SOX5: variants seen among roughly 807,000 people sequenced by gnomAD.
SOX5 encodes transcription factor SOX-5.
In SOX5, 9 loss-of-function variants were observed where a neutral mutation model predicts 92.0. The ratio of observed to expected loss-of-function variants is 0.10; its 90% CI spans 0.06 to 0.17. The LOEUF (loss-of-function observed/expected upper bound fraction) is 0.17. SOX5 is among the 10% of genes least tolerant of loss of function. The pLI is 1.00. For missense variants in SOX5, 642 were observed against 944.5 expected, an observed-to-expected ratio of 0.68 and a Z score of 4.20; for synonymous variants, 344 against 336.3, an observed-to-expected ratio of 1.02 and a Z score of -0.25.
chr12:24,325,154 T>TC (rs1950559099), intron 2 of SOX5, among the ~76,000 whole-genome samples: 3 of 151,358 alleles, frequency 2.0e-5, no homozygotes, highest in African/African-American at 7.3e-5. Flanking sequence ...TAAAAATAAG[T>TC]TAAAAAAAAA....
intron 4 of SOX5, among the ~76,000 whole-genome samples, chr12:23,747,320 T>A (rs2094020325): frequency 6.6e-6 from 1 of 152,160 alleles, no homozygotes; most frequent in Non-Finnish European, 1.5e-5. Context: ...TCTCTATTTC[T>A]ACTTGTTTCC....
At chr12:23,847,658 C>T (rs1160141718) in intron 2 of SOX5, among the ~76,000 whole-genome samples, 1 of 150,866 alleles carries the variant, frequency 6.6e-6, no homozygotes, top group African/African-American at 2.4e-5. Context: ...GTGGCTGAGG[C>T]ATGTGGGGAA....
chr12:23,899,784 C>T (rs1476321441), intron 1 of SOX5, among the ~76,000 whole-genome samples: 1 of 152,184 alleles, frequency 6.6e-6, no homozygotes, highest in Non-Finnish European at 1.5e-5. Context: ...TGATCAGCTA[C>T]CATGTGCAAG....
chr12:23,983,191 T>G (rs1949755359), intron 4 of SOX5, among the ~76,000 whole-genome samples: 1 of 150,316 alleles, frequency 6.7e-6, no homozygotes, highest in African/African-American at 2.4e-5. Flanking sequence ...GCAGATGCCA[T>G]CCTACCCACT....
chr12:23,622,749 T>C (rs1412286780), intron 8 of SOX5, among the ~76,000 whole-genome samples: 1 of 152,114 alleles, frequency 6.6e-6, no homozygotes, highest in Non-Finnish European at 1.5e-5. Context: ...TGCTATACCA[T>C]CATTAATTTA....
intron 1 of SOX5, among the ~76,000 whole-genome samples, chr12:24,466,832 TC>T (rs1318966809): frequency 2.6e-5 from 4 of 152,116 alleles, no homozygotes; most frequent in African/African-American, 9.7e-5. Flanking sequence ...TTTTTAAAGC[TC>T]CCCAGGTAAT....
intron 4 of SOX5, among the ~76,000 whole-genome samples, chr12:24,192,801 T>G (rs932459608): frequency 2.0e-5 from 3 of 152,182 alleles, no homozygotes; most frequent in Non-Finnish European, 4.4e-5. Flanking sequence ...CAACTGTCAT[T>G]CATCTTCCCT....
chr12:24,019,594 G>T (rs113725182), intron 4 of SOX5, among the ~76,000 whole-genome samples: 114 of 152,292 alleles, frequency 7.5e-4, no homozygotes, highest in Non-Finnish European at 1.4e-3. Flanking sequence ...TTGGTATAAA[G>T]CTTAAAATAT....
intron 3 of SOX5, among the ~76,000 whole-genome samples, chr12:23,790,951 T>C (rs1234483425): frequency 1.3e-5 from 2 of 152,176 alleles, no homozygotes; most frequent in East Asian, 1.9e-4. Context: ...AATTGGCAAA[T>C]TGGCATTTCA....
intron 3 of SOX5, among the ~76,000 whole-genome samples, chr12:23,812,131 C>A (rs1415242468): frequency 6.6e-6 from 1 of 151,898 alleles, no homozygotes; most frequent in Non-Finnish European, 1.5e-5. Flanking sequence ...TGAACTGAAA[C>A]AACACTCAAA....
At chr12:24,353,726 C>T (rs976678645) in intron 2 of SOX5, among the ~76,000 whole-genome samples, 11 of 152,046 alleles carry the variant, frequency 7.2e-5, no homozygotes, top group African/African-American at 1.2e-4. Context: ...CTGCAACCCC[C>T]GCCTCCCGGC....
At chr12:23,848,316 C>CT (rs1290631994) in intron 2 of SOX5, among the ~76,000 whole-genome samples, 1 of 152,134 alleles carries the variant, frequency 6.6e-6, no homozygotes, top group African/African-American at 2.4e-5. Flanking sequence ...TTGCATATCT[C>CT]TAACTTTCTA....
At chr12:24,429,650 A>ACACACACACAC (rs998939759) in intron 1 of SOX5, among the ~76,000 whole-genome samples, 23 of 151,522 alleles carry the variant, frequency 1.5e-4, no homozygotes, top group East Asian at 1.4e-3. Context: ...ACACACACAC[A>ACACACACACAC]CCCCATGAGC....
At chr12:23,706,206 C>A (rs1329959239) in intron 6 of SOX5, among the ~76,000 whole-genome samples, 1 of 151,894 alleles carries the variant, frequency 6.6e-6, no homozygotes, top group African/African-American at 2.4e-5. Context: ...TATGAGTCAG[C>A]CATAAAAGTA....
At chr12:23,563,554 T>C in intron 10 of SOX5, 151 bp from the exon 11 acceptor site, 2 of 620,886 alleles carry the variant, frequency 3.2e-6, no homozygotes, top group Non-Finnish European at 5.5e-6. Flanking sequence ...GAATGAATAA[T>C]TGACAATGAC....
intron 2 of SOX5, among the ~76,000 whole-genome samples, chr12:24,291,912 G>A (rs10842319): frequency 0.18 from 27,727 of 152,176 alleles, 3,201 homozygotes; most frequent in Admixed American, 0.3. Context: ...TGAAAGTGCC[G>A]TGGTCTCTGC....
intron 11 of SOX5, among the ~76,000 whole-genome samples, chr12:23,556,020 G>A (rs1010304048): frequency 3.3e-5 from 5 of 152,148 alleles, no homozygotes; most frequent in African/African-American, 1.2e-4. Context: ...GTGATGGATG[G>A]TGATGACATA....
chr12:24,510,633 C>T (rs1949219241), intron 1 of SOX5, among the ~76,000 whole-genome samples: 1 of 152,198 alleles, frequency 6.6e-6, no homozygotes, highest in African/African-American at 2.4e-5. Context: ...TTAAAAAACA[C>T]GTGCCTGGGC....
intron 2 of SOX5, among the ~76,000 whole-genome samples, chr12:23,887,831 G>A (rs774052960): frequency 6.7e-6 from 1 of 149,256 alleles, no homozygotes; most frequent in East Asian, 2.0e-4. Flanking sequence ...TATTTCTGTT[G>A]GAAAAAAATC....
Sources: allele counts gnomAD v4.1 joint callset (sites outside exome capture counted in the v4.1 genomes callset), GRCh38; gene constraint gnomAD v4.1.1; transcripts MANE v1.5; gene names NCBI Gene and HGNC (gene_info 2026-07-23, HGNC 2026-07-21).